Variants in NPAS3 observed in about 807,000 individuals in gnomAD.
NPAS3 encodes neuronal PAS domain-containing protein 3.
In NPAS3, 14 loss-of-function variants were observed where a neutral mutation model predicts 73.1. The ratio of observed to expected loss-of-function variants is 0.19; its 90% CI spans 0.13 to 0.30. The LOEUF is 0.30. Ranked by LOEUF, NPAS3 falls within the 10% of genes least tolerant of loss-of-function variation. NPAS3 has a pLI of 1.00. For synonymous variants in NPAS3, 620 were observed against 541.5 expected (o/e 1.14, Z -2.01); for missense variants, 1,096 against 1,250.0 (o/e 0.88, Z 1.86).
intron 4 of NPAS3, among the ~76,000 whole-genome samples, chr14:33,450,050 C>T (rs540156215): frequency 9.2e-5 from 14 of 152,130 alleles, no homozygotes; most frequent in East Asian, 1.9e-4. Context: ...GAAACTTACT[C>T]GGCAGTATGT....
At chr14:33,533,580 A>G (rs2054131758) in intron 4 of NPAS3, among the ~76,000 whole-genome samples, 1 of 152,178 alleles carries the variant, frequency 6.6e-6, no homozygotes, top group Non-Finnish European at 1.5e-5. Context: ...CAGTATTATT[A>G]GAAGGGATCA....
chr14:33,379,976 T>TTG (rs1397567494), intron 4 of NPAS3, among the ~76,000 whole-genome samples: 2 of 54,226 alleles, frequency 3.7e-5, no homozygotes, highest in Non-Finnish European at 7.9e-5. Context: ...TAGTTATCCC[T>TTG]CGTGTGTGTG....
intron 1 of NPAS3, among the ~76,000 whole-genome samples, chr14:32,940,204 G>A (rs545883780): frequency 6.6e-6 from 1 of 152,366 alleles, no homozygotes; most frequent in Admixed American, 6.5e-5. Flanking sequence ...AGTTCCTGGT[G>A]AGAATTGCAT....
Position 33,388,069 on chromosome 14 carries a change from TGG to T in NPAS3, c.468+20802_468+20803del, listed in dbSNP as rs1357240176. ...TGAGTAGGACCTTCACTGGTGAATGTGGTTTTACCAAGTAAAGATGGATAGAC... is the reference window on the plus strand; with the variant it reads ...TGAGTAGGACCTTCACTGGTGAATGTTTTTACCAAGTAAAGATGGATAGAC... On this transcript the variant is annotated intron_variant, in intron 4 of 11. Transcript: ENST00000356141. Among the ~76,000 whole-genome samples, 58 of 152,222 alleles carry T rather than the reference TGG, an allele frequency of 3.8e-4. 1 individual carries two copies. The highest frequency in any genetic ancestry group is 9.9e-4 in the African/African-American group (41 of 41,548).
At chr14:33,704,960 G>A (rs566566782) in intron 6 of NPAS3, among the ~76,000 whole-genome samples, 13 of 152,254 alleles carry the variant, frequency 8.5e-5, no homozygotes, top group South Asian at 6.2e-4. Context: ...CAGGCAGGTC[G>A]CTCATAAACC....
intron 2 of NPAS3, among the ~76,000 whole-genome samples, chr14:33,148,521 T>A (rs1315721250): frequency 2.0e-5 from 3 of 152,150 alleles, no homozygotes; most frequent in Non-Finnish European, 4.4e-5. Context: ...GAATGTAAAA[T>A]GTCTCCTGAA....
At chr14:32,972,938 TA>T (rs2037498535) in intron 1 of NPAS3, among the ~76,000 whole-genome samples, 2 of 152,326 alleles carry the variant, frequency 1.3e-5, no homozygotes, top group South Asian at 4.1e-4. Context: ...CAGCTCATTT[TA>T]ATGGTTAGCA....
chr14:33,413,941 T>C (rs374957018), intron 4 of NPAS3, among the ~76,000 whole-genome samples: 80 of 152,270 alleles, frequency 5.3e-4, no homozygotes, highest in African/African-American at 1.9e-3. Context: ...AAAATACACC[T>C]GTAATTCTTG....
intron 4 of NPAS3, among the ~76,000 whole-genome samples, chr14:33,438,575 T>C (rs1215239050): frequency 1.3e-5 from 2 of 152,212 alleles, no homozygotes; most frequent in Non-Finnish European, 2.9e-5. Context: ...TGCATGATAA[T>C]TGGGCCTTTG....
chr14:33,413,252 T>A (rs186903602), intron 4 of NPAS3, among the ~76,000 whole-genome samples: 2 of 152,248 alleles, frequency 1.3e-5, no homozygotes, highest in Admixed American at 1.3e-4. Flanking sequence ...GTTCCTCTTT[T>A]TTTTTTTCTG....
chr14:32,994,065 C>CT (rs988251734), intron 1 of NPAS3, among the ~76,000 whole-genome samples: 2 of 152,114 alleles, frequency 1.3e-5, no homozygotes, highest in Non-Finnish European at 2.9e-5. Context: ...AGATATCATC[C>CT]TTTGAGTTTT....
intron 2 of NPAS3, among the ~76,000 whole-genome samples, chr14:33,213,185 C>A (rs1188198665): frequency 6.6e-6 from 1 of 152,108 alleles, no homozygotes; most frequent in Non-Finnish European, 1.5e-5. Flanking sequence ...ACCCTGAAAG[C>A]CCTTGAGTTC....
chr14:32,954,776 T>C (rs1595082447), intron 1 of NPAS3, among the ~76,000 whole-genome samples: 1 of 152,142 alleles, frequency 6.6e-6, no homozygotes, highest in Non-Finnish European at 1.5e-5. Context: ...ACCTTACTTA[T>C]CTTCTGATTC....
chr14:33,092,215 GA>G (rs1262555348), intron 2 of NPAS3, among the ~76,000 whole-genome samples: 1 of 152,166 alleles, frequency 6.6e-6, no homozygotes, highest in Non-Finnish European at 1.5e-5. Context: ...TGTATATTTG[GA>G]AAACCCCATC....
In NPAS3 at chr14:33,669,169, A is replaced by G. The variant is rs193221605; in HGVS notation, c.559-7042A>G. Among the ~76,000 whole-genome samples the G allele has an allele frequency of 4.4e-3, 673 of 152,340 alleles. 2 individuals are homozygous for G. Among genetic ancestry groups the G allele is most frequent in the Non-Finnish European group, 7.8e-3 (531 of 68,036 alleles). ...CTATTCATTTGATCTCCAGAAAAAA[A>G]GAAACCGACTTCAGTTACTTTTAAG... is the stretch of plus-strand genomic sequence containing the variant. On this transcript the variant is annotated intron_variant, in intron 5 of 11. Transcript: ENST00000356141.
intron 7 of NPAS3, among the ~76,000 whole-genome samples, chr14:33,737,904 C>G (rs1329267298): frequency 6.6e-6 from 1 of 152,190 alleles, no homozygotes; most frequent in Non-Finnish European, 1.5e-5. Context: ...TTGTATGCAT[C>G]TTTTCCCATA....
intron 6 of NPAS3, among the ~76,000 whole-genome samples, chr14:33,682,822 G>A (rs894634803): frequency 5.3e-5 from 8 of 152,172 alleles, no homozygotes; most frequent in Non-Finnish European, 8.8e-5. Context: ...TCTTGCCTGA[G>A]GGAGCTAAAG....
chr14:33,498,190 C>T (rs2052308778), intron 4 of NPAS3, among the ~76,000 whole-genome samples: 1 of 152,090 alleles, frequency 6.6e-6, no homozygotes, highest in African/African-American at 2.4e-5. Flanking sequence ...AGTCAGCAGA[C>T]AACAGATGCT....
intron 3 of NPAS3, among the ~76,000 whole-genome samples, chr14:33,246,328 A>G (rs930432229): frequency 2.0e-5 from 3 of 152,066 alleles, no homozygotes; most frequent in Non-Finnish European, 2.9e-5. Context: ...TCACGAGGTC[A>G]GGAGATCCAG....
Sources: gnomAD v4.1 joint callset for allele counts (sites outside exome capture counted in the v4.1 genomes callset) on GRCh38, gnomAD v4.1.1 for gene constraint, MANE v1.5 for transcripts, NCBI Gene and HGNC (gene_info 2026-07-23, HGNC 2026-07-21) for gene names.